Variants in CCBE1 observed in about 807,000 individuals in gnomAD.
CCBE1 encodes collagen and calcium binding EGF domains 1.
In CCBE1, 37 loss-of-function variants were observed where a neutral mutation model predicts 50.0. The ratio of observed to expected loss-of-function variants is 0.74; its 90% CI spans 0.57 to 0.97. The LOEUF is 0.97. CCBE1 is among the 50% of genes least tolerant of loss of function. The pLI is 0.00. For synonymous variants in CCBE1, 234 were observed against 203.7 expected, an observed-to-expected ratio of 1.15 and a Z score of -1.27; for missense variants, 538 against 523.8, an observed-to-expected ratio of 1.03 and a Z score of -0.26.
chr18:59,548,165 C>T (rs1339673598), intron 2 of CCBE1, among the ~76,000 whole-genome samples: 2 of 152,074 alleles, frequency 1.3e-5, no homozygotes, highest in African/African-American at 2.4e-5. Context: ...AACTGAGGTC[C>T]GAGATCATAT....
intron 2 of CCBE1, among the ~76,000 whole-genome samples, chr18:59,617,409 T>C (rs2053651134): frequency 6.6e-6 from 1 of 152,210 alleles, no homozygotes; most frequent in Admixed American, 6.5e-5. Flanking sequence ...CAGCCCAGCC[T>C]ACGGCAAAGC....
intron 2 of CCBE1, among the ~76,000 whole-genome samples, chr18:59,613,769 A>C (rs1419345809): frequency 6.6e-6 from 1 of 151,112 alleles, no homozygotes; most frequent in Non-Finnish European, 1.5e-5. Context: ...CAATATGGTT[A>C]GTTCTTAATG....
chr18:59,687,946 G>C (rs1182787017), intron 2 of CCBE1, among the ~76,000 whole-genome samples: 1 of 152,050 alleles, frequency 6.6e-6, no homozygotes, highest in African/African-American at 2.4e-5. Flanking sequence ...GGGCAACAGA[G>C]ATTCCATTTG....
At chr18:59,505,134 T>G (rs1913810408) in intron 2 of CCBE1, among the ~76,000 whole-genome samples, 1 of 152,194 alleles carries the variant, frequency 6.6e-6, no homozygotes, top group South Asian at 2.1e-4. Flanking sequence ...ATAAATATCT[T>G]GATAACATTT....
At chr18:59,628,255 T>A (rs2053812142) in intron 2 of CCBE1, among the ~76,000 whole-genome samples, 3 of 152,180 alleles carry the variant, frequency 2.0e-5, no homozygotes, top group African/African-American at 7.2e-5. Context: ...TCTTTTTGGA[T>A]ATTCTTTATT....
intron 2 of CCBE1, among the ~76,000 whole-genome samples, chr18:59,575,740 G>A (rs886367935): frequency 6.6e-6 from 1 of 152,170 alleles, no homozygotes; most frequent in Non-Finnish European, 1.5e-5. Flanking sequence ...AGTTGCAGTG[G>A]CTAGAGGTAA....
intron 2 of CCBE1, among the ~76,000 whole-genome samples, chr18:59,521,084 C>T (rs1914578826): frequency 6.6e-6 from 1 of 152,180 alleles, no homozygotes; most frequent in Non-Finnish European, 1.5e-5. Context: ...TTTTACAGTC[C>T]TAACTGGAAT....
intron 2 of CCBE1, among the ~76,000 whole-genome samples, chr18:59,686,752 A>C (rs2054659793): frequency 6.6e-6 from 1 of 152,176 alleles, no homozygotes; most frequent in African/African-American, 2.4e-5. Flanking sequence ...GTTGCCAATC[A>C]TATACAGTAT....
intron 2 of CCBE1, among the ~76,000 whole-genome samples, chr18:59,612,921 T>G (rs1033356172): frequency 2.0e-5 from 3 of 149,862 alleles, no homozygotes; most frequent in Non-Finnish European, 4.4e-5. Context: ...ATTCCTAGTC[T>G]GCTTGGGAAG....
At chr18:59,580,088 T>C (rs1039156949) in intron 2 of CCBE1, among the ~76,000 whole-genome samples, 1 of 152,142 alleles carries the variant, frequency 6.6e-6, no homozygotes, top group African/African-American at 2.4e-5. Flanking sequence ...TGCTCTATTG[T>C]AGTATGAAAG....
At chr18:59,542,513 G>C (rs936881645) in intron 2 of CCBE1, among the ~76,000 whole-genome samples, 18 of 152,196 alleles carry the variant, frequency 1.2e-4, no homozygotes, top group Non-Finnish European at 2.2e-4. Context: ...TCCTGTAATA[G>C]ATCAGAAGAA....
intron 2 of CCBE1, among the ~76,000 whole-genome samples, chr18:59,609,042 T>C (rs539583436): frequency 5.4e-4 from 83 of 152,372 alleles, no homozygotes; most frequent in Non-Finnish European, 1.1e-3. Flanking sequence ...ACTTGTCATA[T>C]GTGCATCTGT....
At chr18:59,589,790 C>CAAA (rs752546235) in intron 2 of CCBE1, among the ~76,000 whole-genome samples, 297 of 72,956 alleles carry the variant, frequency 4.1e-3, no homozygotes, top group African/African-American at 7.0e-3. Context: ...GACTCCATCT[C>CAAA]AAAAAAAAAA....
chr18:59,578,956 T>G (rs992963323), intron 2 of CCBE1, among the ~76,000 whole-genome samples: 1 of 152,160 alleles, frequency 6.6e-6, no homozygotes, highest in Non-Finnish European at 1.5e-5. Flanking sequence ...AATAATTTTT[T>G]AAAAAAGATA....
At chr18:59,607,645 G>A (rs1036579876) in intron 2 of CCBE1, among the ~76,000 whole-genome samples, 3 of 152,152 alleles carry the variant, frequency 2.0e-5, no homozygotes, top group Admixed American at 1.3e-4. Context: ...AGGGCACCTC[G>A]CTGAGCTTGA....
intron 2 of CCBE1, among the ~76,000 whole-genome samples, chr18:59,605,363 G>C (rs560823310): frequency 6.6e-6 from 1 of 152,218 alleles, no homozygotes; most frequent in Non-Finnish European, 1.5e-5. Flanking sequence ...TCCTTATAGA[G>C]AACAGGTGGG....
At chr18:59,599,414 C>T (rs1023976103) in intron 2 of CCBE1, among the ~76,000 whole-genome samples, 2 of 152,100 alleles carry the variant, frequency 1.3e-5, no homozygotes, top group African/African-American at 4.8e-5. Context: ...AATTACCATA[C>T]CTGGATAAAA....
chr18:59,681,443 T>C lies in CCBE1; in HGVS notation c.212+15186A>G, dbSNP rs1027722846. 2.6e-5 allele frequency among the ~76,000 whole-genome samples: 4 copies of C among 152,238 alleles called. No homozygotes were observed. The East Asian group carries it at 7.7e-4, about 29-fold the overall frequency. On this transcript the variant is annotated intron_variant, in intron 2 of 10. Transcript: ENST00000439986. ...CTGATGTCCCCTTTTCTTCCCACTT[T>C]ATTAGCAGGAGTCTGCCCAAAGGCA...
At chr18:59,635,132 G>C (rs1462377015) in intron 2 of CCBE1, among the ~76,000 whole-genome samples, 5 of 152,134 alleles carry the variant, frequency 3.3e-5, no homozygotes, top group African/African-American at 1.2e-4. Flanking sequence ...AGAAGAGATT[G>C]ATTACTTCAA....
Sources: gnomAD v4.1 joint callset for allele counts (sites outside exome capture counted in the v4.1 genomes callset) on GRCh38, gnomAD v4.1.1 for gene constraint, MANE v1.5 for transcripts, NCBI Gene and HGNC (gene_info 2026-07-23, HGNC 2026-07-21) for gene names.